The following TANK variants were observed in gnomAD, a reference collection of about 807,000 sequenced individuals.
The protein encoded by TANK is TRAF family member-associated NF-kappa-B activator.
In TANK, 15 loss-of-function variants were observed where a neutral mutation model predicts 43.6. The ratio of observed to expected loss-of-function variants is 0.34; its 90% CI spans 0.23 to 0.53. The LOEUF (loss-of-function observed/expected upper bound fraction) is 0.53. Ranked by LOEUF, TANK falls within the 20% of genes least tolerant of loss-of-function variation. TANK has a pLI of 0.94. For missense variants in TANK, 417 were observed against 498.6 expected, an observed-to-expected ratio of 0.84 and a Z score of 1.56; for synonymous variants, 162 against 178.2, an observed-to-expected ratio of 0.91 and a Z score of 0.73.
intron 4 of TANK, among the ~76,000 whole-genome samples, chr2:161,220,340 C>T (rs1271940811): frequency 6.6e-6 from 1 of 152,298 alleles, no homozygotes; most frequent in African/African-American, 2.4e-5. Flanking sequence ...CGGTGGCTCA[C>T]GCCTGTAATC....
At chr2:161,232,917 G>A in intron 7 of TANK, 1 of 1,440,710 alleles carries the variant, frequency 6.9e-7, no homozygotes, top group Non-Finnish European at 9.3e-7. Context: ...TTGATATTTT[G>A]GCAGAAAAAG....
intron 1 of TANK, among the ~76,000 whole-genome samples, chr2:161,142,119 A>T (rs1683766357): frequency 6.6e-6 from 1 of 152,114 alleles, no homozygotes; most frequent in African/African-American, 2.4e-5. Context: ...TGGCTGCATA[A>T]ATGTCTTCTT....
chr2:161,197,798 C>A (rs2105333464), intron 2 of TANK, among the ~76,000 whole-genome samples: 1 of 152,234 alleles, frequency 6.6e-6, no homozygotes, highest in East Asian at 1.9e-4. Flanking sequence ...CTTAATACCT[C>A]CTAAAAGGCC....
chr2:161,231,627 CTT>C (rs1425895648), intron 7 of TANK, 76 bp downstream of exon 7: 2 of 1,304,542 alleles, frequency 1.5e-6, no homozygotes, highest in African/African-American at 1.5e-5. Flanking sequence ...ATATGCATCT[CTT>C]TTACGTTATC....
intron 1 of TANK, among the ~76,000 whole-genome samples, chr2:161,167,385 T>TG (rs1481190005): frequency 3.3e-5 from 5 of 152,164 alleles, no homozygotes; most frequent in African/African-American, 9.7e-5. Context: ...TACTTACCCT[T>TG]GATTACTACT....
At chr2:161,181,351 C>T (rs1685415563) in intron 2 of TANK, among the ~76,000 whole-genome samples, 1 of 152,086 alleles carries the variant, frequency 6.6e-6, no homozygotes, top group African/African-American at 2.4e-5. Context: ...ACCTAGGAGG[C>T]GGAAGTTGCA....
rs1353420499 is a variant in TANK, at chr2:161,165,624, ACTC to A, written c.-50+5145_-50+5147del. On this transcript the variant is annotated intron_variant, in intron 1 of 7. Transcript: ENST00000392749. ...TACATGTTCCTTCCCATACAGTCCT[ACTC>A]CTCCTCTACACCTCACCATACTGAC... Among the ~76,000 whole-genome samples, 6 of 151,746 alleles carry A rather than the reference ACTC, an allele frequency of 4.0e-5. No homozygotes were observed. In the East Asian group the frequency reaches 9.7e-4, roughly 25 times the overall value.
intron 2 of TANK, chr2:161,201,335 T>G: frequency 1.1e-6 from 1 of 874,734 alleles, no homozygotes; most frequent in South Asian, 5.3e-5. Context: ...CTAAAGTATG[T>G]TTTTTAAGCC....
intron 7 of TANK, among the ~76,000 whole-genome samples, chr2:161,232,407 G>T (rs530615524): frequency 4.9e-4 from 75 of 152,220 alleles, no homozygotes; most frequent in African/African-American, 1.7e-3. Context: ...TTTTAAAAAA[G>T]TTATTAATAC....
At chr2:161,154,551 G>A (rs966407428) in intron 1 of TANK, among the ~76,000 whole-genome samples, 3 of 152,092 alleles carry the variant, frequency 2.0e-5, no homozygotes, top group South Asian at 2.1e-4. Flanking sequence ...CTTGAACAAC[G>A]GGTAGGAATG....
intron 2 of TANK, among the ~76,000 whole-genome samples, chr2:161,182,870 C>G (rs1192318255): frequency 6.6e-6 from 1 of 152,158 alleles, no homozygotes; most frequent in Non-Finnish European, 1.5e-5. Context: ...GAATGAAGGT[C>G]TGATAACCCA....
At chr2:161,217,585 TTGTGTGTGTGTG>T (rs375688309) in intron 4 of TANK, among the ~76,000 whole-genome samples, 48 of 136,644 alleles carry the variant, frequency 3.5e-4, no homozygotes, top group Non-Finnish European at 5.3e-4. Context: ...GGTAGTTGGT[TTGTGTGTGTGTG>T]TGTGTGTGTG....
At chr2:161,203,343 T>C (rs955545216) in intron 2 of TANK, 144 bp from the exon 3 acceptor site, 2 of 572,930 alleles carry the variant, frequency 3.5e-6, no homozygotes, top group Non-Finnish European at 6.2e-6. Flanking sequence ...AGTACATTCC[T>C]GGAGCCAGTT....
chr2:161,192,563 A>AT (rs1685965194), intron 2 of TANK, among the ~76,000 whole-genome samples: 1 of 152,182 alleles, frequency 6.6e-6, no homozygotes, highest in African/African-American at 2.4e-5. Context: ...GTCTTAAAAC[A>AT]TGGCTCTTTT....
chr2:161,153,983 C>T (rs555088469), intron 1 of TANK, among the ~76,000 whole-genome samples: 2 of 152,264 alleles, frequency 1.3e-5, no homozygotes, highest in South Asian at 2.1e-4. Flanking sequence ...AGTTTGCCTT[C>T]GTGGGGGCAA....
chr2:161,230,447 C>T (rs1256234757), intron 6 of TANK, among the ~76,000 whole-genome samples: 1 of 152,186 alleles, frequency 6.6e-6, no homozygotes, highest in Non-Finnish European at 1.5e-5. Flanking sequence ...CCTTCACTGT[C>T]TTCTTTTTCC....
intron 4 of TANK, chr2:161,207,584 G>GAGAGTT (rs1322935925): frequency 1.0e-6 from 1 of 984,896 alleles, no homozygotes; most frequent in African/African-American, 1.7e-5. Context: ...TTGAATATTT[G>GAGAGTT]AGAGTTGGCT....
intron 4 of TANK, chr2:161,223,517 T>C (rs369271791): frequency 6.5e-6 from 1 of 153,258 alleles, no homozygotes; most frequent in South Asian, 2.1e-4. Flanking sequence ...GATTTAAATA[T>C]ATAGGCCATT....
intron 1 of TANK, among the ~76,000 whole-genome samples, chr2:161,155,163 A>G (rs2105235114): frequency 6.6e-6 from 1 of 152,286 alleles, no homozygotes; most frequent in South Asian, 2.1e-4. Context: ...ATTTCTATAT[A>G]TAGATTAGAA....
Sources: allele counts gnomAD v4.1 joint callset (sites outside exome capture counted in the v4.1 genomes callset), GRCh38; gene constraint gnomAD v4.1.1; transcripts MANE v1.5; gene names NCBI Gene and HGNC (gene_info 2026-07-23, HGNC 2026-07-21).